FER1L6: variants seen among roughly 807,000 people sequenced by gnomAD.
FER1L6 encodes fer-1 like family member 6, also known as fer-1-like protein 6.
Under a neutral mutation model 219.2 loss-of-function variants are expected in FER1L6, and 177 were observed. The ratio of observed to expected loss-of-function variants is 0.81; its 90% CI spans 0.71 to 0.91. The LOEUF is 0.91. FER1L6 is among the 40% of genes least tolerant of loss of function. FER1L6 has a pLI of 0.00. For missense variants in FER1L6, 2,153 were observed against 2,259.9 expected, an observed-to-expected ratio of 0.95 and a Z score of 0.96; for synonymous variants, 768 against 824.3, an observed-to-expected ratio of 0.93 and a Z score of 1.17.
At chr8:124,076,162 C>T in intron 31 of FER1L6, 36 bp from the exon 32 acceptor site, 1 of 1,611,884 alleles carries the variant, frequency 6.2e-7, no homozygotes, top group Non-Finnish European at 8.5e-7. Flanking sequence ...ATGTTGAGAG[C>T]TATTGAACCA....
intron 1 of FER1L6, among the ~76,000 whole-genome samples, chr8:123,884,763 G>A (rs1817169701): frequency 2.0e-5 from 3 of 152,262 alleles, no homozygotes; most frequent in Admixed American, 2.0e-4. Context: ...GGAAATCCCT[G>A]CCCTGGCTGG....
rs557926615 is a variant in FER1L6, at chr8:123,875,467, C to T, written c.-8+23282C>T. 2.6e-5 allele frequency among the ~76,000 whole-genome samples: 4 copies of T among 152,290 alleles called. No homozygotes were observed. The South Asian group carries it at 6.2e-4, about 24-fold the overall frequency. On this transcript the variant is annotated intron_variant, in intron 1 of 40. Coordinates refer to ENST00000522917, the MANE Select transcript of FER1L6 (RefSeq NM_001039112.2). ...TCAGGGCTTAAGCCTTGCTCCTCCT[C>T]CTGTCTGCCTTCTTCTTCTTCTAAA... is the stretch of plus-strand genomic sequence containing the variant.
At chr8:123,899,359 T>G (rs1812818968) in intron 1 of FER1L6, among the ~76,000 whole-genome samples, 1 of 152,138 alleles carries the variant, frequency 6.6e-6, no homozygotes, top group African/African-American at 2.4e-5. Context: ...ATTGTTTGTT[T>G]GTTTTTTTCT....
chr8:124,052,132 A>G (rs1385672088), intron 22 of FER1L6, among the ~76,000 whole-genome samples: 2 of 152,208 alleles, frequency 1.3e-5, no homozygotes, highest in African/African-American at 2.4e-5. Flanking sequence ...AGTAAAATGG[A>G]CTATCAGAAC....
intron 19 of FER1L6, among the ~76,000 whole-genome samples, chr8:124,038,283 G>A (rs1819306796): frequency 6.6e-6 from 1 of 152,204 alleles, no homozygotes. Context: ...GCTATGGTCT[G>A]CCCCTTTTTC....
rs1819403732 is a variant in FER1L6, at chr8:124,039,920, G to A, written c.2503G>A (p.Ala835Thr). Residue 835 changes from alanine (A) to threonine (T), a missense_variant, in exon 20 of 41, where the codon GCC (alanine) becomes ACC (threonine). Transcript: ENST00000522917. Reference sequence around the variant, plus strand: ...TCAGCTGAGGGCTCACATGTACCAAGCCCGGGGCCTCATCGCAGCTGACAG... The same window carrying A: ...TCAGCTGAGGGCTCACATGTACCAAACCCGGGGCCTCATCGCAGCTGACAG... ...VFQLRAHMYQ[A>T]RGLIAADSNG... The A allele has an allele frequency of 6.2e-7, 1 of 1,614,122 alleles. No homozygotes were observed. Among genetic ancestry groups the A allele is most frequent in the Non-Finnish European group, 8.5e-7 (1 of 1,180,004 alleles).
rs945158524 is a variant in FER1L6, at chr8:124,049,526, G to A, written c.2725-81G>A. ...CTGATGGTTTTGTGGAGGTTATTTT[G>A]TGGAGGTGATGGCATTGATGTGGAT... is the stretch of plus-strand genomic sequence containing the variant. On this transcript the variant is annotated intron_variant, in intron 21 of 40. Transcript: ENST00000522917. 27 of 1,461,770 alleles carry A rather than the reference G, an allele frequency of 1.8e-5. No homozygotes were observed. In the African/African-American group the frequency reaches 3.2e-4, roughly 17 times the overall value. The allele number at this position is 1,461,770 out of a possible 1,614,324, so 90.5% of individuals were successfully genotyped here. A position where few individuals can be genotyped will look rare whatever the true frequency, so the allele number is the denominator to read the frequency against.
Position 124,118,603 on chromosome 8 carries a change from G to A in FER1L6, c.5290-241G>A, listed in dbSNP as rs191934054. On this transcript the variant is annotated intron_variant, in intron 39 of 40. Transcript: ENST00000522917. ...TGTGACGGAGCTTGTGTGTCTGTGT[G>A]GACACATGGGACCCTTTCCTTCCAC... Among the ~76,000 whole-genome samples the A allele has an allele frequency of 3.3e-5, 5 of 152,258 alleles. No homozygotes were observed. The East Asian group carries it at 9.6e-4, about 29-fold the overall frequency.
At chr8:123,923,272 T>TGGGACAGA (rs1813430867) in intron 1 of FER1L6, among the ~76,000 whole-genome samples, 2 of 152,202 alleles carry the variant, frequency 1.3e-5, no homozygotes, top group African/African-American at 4.8e-5. Flanking sequence ...TTCTAGGTGA[T>TGGGACAGA]GGGACAGAGG....
At chr8:123,909,953 A>G (rs1172137731) in intron 1 of FER1L6, among the ~76,000 whole-genome samples, 1 of 152,226 alleles carries the variant, frequency 6.6e-6, no homozygotes, top group African/African-American at 2.4e-5. Flanking sequence ...GAGTCATAAA[A>G]AATTATAAAA....
At chr8:124,039,835 C>A in intron 19 of FER1L6, 47 bp from the exon 20 acceptor site, 1 of 1,612,938 alleles carries the variant, frequency 6.2e-7, no homozygotes, top group Non-Finnish European at 8.5e-7. Context: ...ACACACTGTT[C>A]TTGAAAAGCC....
At chr8:124,010,165 C>T (rs997674389) in intron 13 of FER1L6, among the ~76,000 whole-genome samples, 3 of 138,896 alleles carry the variant, frequency 2.2e-5, no homozygotes, top group Non-Finnish European at 3.1e-5. Context: ...GGAGCAATGT[C>T]GTTGTAGTTC....
intron 3 of FER1L6, 152 bp from the exon 4 acceptor site, chr8:123,965,855 A>G (rs1457337711): frequency 2.8e-6 from 2 of 704,722 alleles, no homozygotes; most frequent in Non-Finnish European, 4.6e-6. Flanking sequence ...AGGTCAAGTC[A>G]TTTGTCCGCT....
chr8:123,952,250 G>T (rs1255227774), intron 1 of FER1L6, among the ~76,000 whole-genome samples: 1 of 152,200 alleles, frequency 6.6e-6, no homozygotes, highest in Non-Finnish European at 1.5e-5. Flanking sequence ...CAGTGACACA[G>T]TTAGAAAGTG....
chr8:124,063,502 A>G (rs1820687120), intron 25 of FER1L6, among the ~76,000 whole-genome samples: 1 of 152,190 alleles, frequency 6.6e-6, no homozygotes, highest in African/African-American at 2.4e-5. Flanking sequence ...CTCCACATAG[A>G]GCACCGTTTT....
chr8:123,936,796 A>G (rs1342605326), intron 1 of FER1L6, among the ~76,000 whole-genome samples: 1 of 152,156 alleles, frequency 6.6e-6, no homozygotes, highest in East Asian at 1.9e-4. Flanking sequence ...AAAAGCTTAT[A>G]TTTATTAGAT....
At chr8:123,963,192 C>G (rs146267883) in intron 2 of FER1L6, 86 bp from the exon 3 acceptor site, 1 of 1,564,200 alleles carries the variant, frequency 6.4e-7, no homozygotes, top group African/African-American at 1.4e-5. Flanking sequence ...CTTATGGTGC[C>G]TGCCACAGGG....
Position 123,879,471 on chromosome 8 carries a change from C to T in FER1L6, c.-8+27286C>T, listed in dbSNP as rs189251936. On this transcript the variant is annotated intron_variant, in intron 1 of 40. Transcript: ENST00000522917. ...CCTCCTGAGTAGCTGGGACTACAGG[C>T]GCCCACCACCATGCCCAGCTAATTT... Among the ~76,000 whole-genome samples, 149 of 152,134 alleles carry T rather than the reference C, an allele frequency of 9.8e-4. 1 individual carries two copies. The highest frequency in any genetic ancestry group is 3.4e-3 in the African/African-American group (141 of 41,506).
intron 1 of FER1L6, among the ~76,000 whole-genome samples, chr8:123,855,890 T>C (rs1816629276): frequency 6.8e-6 from 1 of 147,530 alleles, no homozygotes; most frequent in Non-Finnish European, 1.5e-5. Flanking sequence ...ATATAACTAA[T>C]GTATATTATT....
Sources: allele counts gnomAD v4.1 joint callset (sites outside exome capture counted in the v4.1 genomes callset), GRCh38; gene constraint gnomAD v4.1.1; transcripts MANE v1.5; gene names NCBI Gene and HGNC (gene_info 2026-07-23, HGNC 2026-07-21).